Variants in FGF13 observed in about 807,000 individuals in gnomAD.
FGF13 encodes fibroblast growth factor homologous factor 2.
In FGF13, 2 loss-of-function variants were observed where a neutral mutation model predicts 19.5. That is an observed-to-expected ratio of 0.10 (90% CI 0.04 to 0.32). The LOEUF (loss-of-function observed/expected upper bound fraction) is 0.32. Among genes scored for constraint, FGF13 ranks in the 10% least tolerant of loss-of-function variants. The pLI is 1.00. For missense variants in FGF13, 113 were observed against 192.7 expected (o/e 0.59, Z 2.45); for synonymous variants, 72 against 76.9 (o/e 0.94, Z 0.33).
At chrX:138,667,142 T>C (rs1375851260) in intron 3 of FGF13, among the ~76,000 whole-genome samples, 1 of 107,779 alleles carries the variant, frequency 9.3e-6, no homozygotes, top group Non-Finnish European at 1.9e-5. Context: ...GTATATTATG[T>C]ATTTATACAT....
intron 1 of FGF13, among the ~76,000 whole-genome samples, chrX:139,047,452 GGTTA>G (rs1281265374): frequency 9.1e-6 from 1 of 110,072 alleles, no homozygotes; most frequent in Non-Finnish European, 1.9e-5. Flanking sequence ...ACATTGTGCA[GGTTA>G]GTTACATATG....
At chrX:139,066,907 G>C (rs1470560242) in intron 1 of FGF13, among the ~76,000 whole-genome samples, 3 of 110,758 alleles carry the variant, frequency 2.7e-5, no homozygotes, top group Admixed American at 9.6e-5. Flanking sequence ...ACCAAATCCA[G>C]CAGCACATCA....
chrX:138,898,141 TAAC>T (rs1469580288), intron 1 of FGF13, among the ~76,000 whole-genome samples: 4 of 111,259 alleles, frequency 3.6e-5, no homozygotes, highest in Admixed American at 2.9e-4. Context: ...CCTCTGACAT[TAAC>T]AACAACAATA....
chrX:139,112,259 C>A (rs1388656220), intron 1 of FGF13, among the ~76,000 whole-genome samples: 1 of 111,412 alleles, frequency 9.0e-6, no homozygotes, highest in Non-Finnish European at 1.9e-5. Flanking sequence ...ACACTTACTT[C>A]ACAGGGCTGC....
At chrX:138,930,339 T>C (rs2091695724) in intron 1 of FGF13, among the ~76,000 whole-genome samples, 1 of 112,425 alleles carries the variant, frequency 8.9e-6, no homozygotes, top group Non-Finnish European at 1.9e-5. Context: ...GCTGTGTTCA[T>C]TTATTTAGTA....
At chrX:138,983,508 CA>C (rs1268539969) in intron 1 of FGF13, among the ~76,000 whole-genome samples, 1 of 104,338 alleles carries the variant, frequency 9.6e-6, no homozygotes, top group Admixed American at 1.1e-4. Context: ...TGGCTACTAT[CA>C]AAACAAAACA....
At chrX:139,142,530 G>A (rs943795356) in intron 1 of FGF13, among the ~76,000 whole-genome samples, 3 of 111,266 alleles carry the variant, frequency 2.7e-5, no homozygotes, top group African/African-American at 9.8e-5. Context: ...CAGTTTGGGG[G>A]AAAAAGTGGT....
intron 3 of FGF13, among the ~76,000 whole-genome samples, chrX:138,812,282 T>G (rs184010761): frequency 8.9e-6 from 1 of 112,257 alleles, no homozygotes; most frequent in East Asian, 2.8e-4. Flanking sequence ...CAGCCCACAT[T>G]ATCTTTACCC....
chrX:138,731,606 G>T lies in FGF13; in HGVS notation c.28+7636C>A, dbSNP rs1446074825. ...AACAGAAGAAAGTTATAAAATAAAT[G>T]ATTTATGTTTCCACCTTAAGAAACG... is the stretch of plus-strand genomic sequence containing the variant. On this transcript the variant is annotated intron_variant, in intron 1 of 4. Coordinates refer to the FGF13 transcript ENST00000305414. 1.1e-4 allele frequency among the ~76,000 whole-genome samples: 12 copies of T among 110,424 alleles called. No individual in the cohort carries two copies. The Admixed American group carries it at 1.2e-3, about 11-fold the overall frequency.
intron 1 of FGF13, among the ~76,000 whole-genome samples, chrX:139,151,617 G>A (rs940287655): frequency 1.3e-4 from 14 of 111,140 alleles, no homozygotes; most frequent in East Asian, 2.8e-4. Context: ...TACTTTCGCC[G>A]GAAAAAGAGC....
chrX:138,857,163 C>G (rs966608464), downstream of FGF13, among the ~76,000 whole-genome samples: 1 of 112,184 alleles, frequency 8.9e-6, no homozygotes, highest in Non-Finnish European at 1.9e-5. Flanking sequence ...CATTCCTCAG[C>G]TGACTGCTGC....
At chrX:139,051,878 T>C (rs2092304034) in intron 1 of FGF13, among the ~76,000 whole-genome samples, 1 of 112,840 alleles carries the variant, frequency 8.9e-6, no homozygotes, top group Admixed American at 9.4e-5. Flanking sequence ...GATGTTTCTC[T>C]TATTTTAGGC....
chrX:139,109,462 A>G (rs2083585743), intron 1 of FGF13, among the ~76,000 whole-genome samples: 1 of 111,761 alleles, frequency 8.9e-6, no homozygotes, highest in African/African-American at 3.3e-5. Flanking sequence ...ATGGCAGGAG[A>G]AAAGGAAGGG....
chrX:138,990,918 G>A (rs1335094860), intron 1 of FGF13, among the ~76,000 whole-genome samples: 1 of 112,070 alleles, frequency 8.9e-6, no homozygotes, highest in Non-Finnish European at 1.9e-5. Flanking sequence ...GGAAAAGACA[G>A]TCCCAAGCAA....
At chrX:138,822,220 G>T (rs1255526215) in intron 3 of FGF13, among the ~76,000 whole-genome samples, 2 of 112,287 alleles carry the variant, frequency 1.8e-5, no homozygotes, top group Non-Finnish European at 3.8e-5. Context: ...CAGTAAGAGA[G>T]TCAAAGCAAT....
chrX:138,777,548 G>A (rs1056577316), intron 3 of FGF13, among the ~76,000 whole-genome samples: 3 of 111,479 alleles, frequency 2.7e-5, no homozygotes, highest in Middle Eastern at 4.7e-3. Context: ...GAAATGATGG[G>A]AAAGGCCCAG....
intron 1 of FGF13, among the ~76,000 whole-genome samples, chrX:138,976,582 G>C (rs1333093955): frequency 9.0e-6 from 1 of 111,508 alleles, no homozygotes; most frequent in Non-Finnish European, 1.9e-5. Context: ...GATAAAAAAT[G>C]ATATATTGGG....
upstream of FGF13, chrX:139,204,188 G>A (rs769285642): frequency 7.1e-5 from 68 of 957,221 alleles, 1 homozygote; most frequent in South Asian, 1.2e-3. Flanking sequence ...AGTGCTTAGG[G>A]CGGCAAGTCT....
At chrX:138,953,907 T>C (rs1010709594) in intron 1 of FGF13, among the ~76,000 whole-genome samples, 1 of 110,228 alleles carries the variant, frequency 9.1e-6, no homozygotes, top group Non-Finnish European at 1.9e-5. Flanking sequence ...TAAATAAACA[T>C]AGAAAAGCCT....
Sources: allele counts gnomAD v4.1 joint callset (sites outside exome capture counted in the v4.1 genomes callset), GRCh38; gene constraint gnomAD v4.1.1; transcripts MANE v1.5; gene names NCBI Gene and HGNC (gene_info 2026-07-23, HGNC 2026-07-21).